The following PSMC2 variants were observed in gnomAD, a reference collection of about 807,000 sequenced individuals.
The protein encoded by PSMC2 is proteasome 26S subunit, ATPase 2, also known as 26S proteasome regulatory subunit 7.
In PSMC2, 7 loss-of-function variants were observed where a neutral mutation model predicts 53.3. That is an observed-to-expected ratio of 0.13 (90% CI 0.07 to 0.25). PSMC2 has a LOEUF of 0.25. Ranked by LOEUF, PSMC2 falls within the 10% of genes least tolerant of loss-of-function variation. The pLI is 1.00. For missense variants in PSMC2, 241 were observed against 544.0 expected, an observed-to-expected ratio of 0.44 and a Z score of 5.54; for synonymous variants, 169 against 183.9, an observed-to-expected ratio of 0.92 and a Z score of 0.66.
intron 4 of PSMC2, among the ~76,000 whole-genome samples, chr7:103,359,030 C>T (rs912993528): frequency 6.9e-6 from 1 of 145,376 alleles, no homozygotes; most frequent in African/African-American, 2.5e-5. Context: ...GTTACCAAGG[C>T]TGGAGTGCAG....
At chr7:103,348,887 CCAAGTGCA>C (rs1423859979) in intron 1 of PSMC2, 1 of 490,320 alleles carries the variant, frequency 2.0e-6, no homozygotes, top group African/African-American at 2.0e-5. Flanking sequence ...GTAACTTTTA[CCAAGTGCA>C]CAAGTACAAA....
chr7:103,368,155 A>T lies in PSMC2; in HGVS notation c.*101A>T, dbSNP rs1820817596. On this transcript the variant is annotated 3_prime_UTR_variant, in exon 12 of 12. Coordinates refer to ENST00000292644, the MANE Select transcript of PSMC2 (RefSeq NM_002803.4). ...AACAAATAAATGGCTTCAAAATTGTATGCTTTTTTCCATATCTCTTCTTGT... is the reference window on the plus strand; with the variant it reads ...AACAAATAAATGGCTTCAAAATTGTTTGCTTTTTTCCATATCTCTTCTTGT... 2.8e-6 allele frequency: 3 copies of T among 1,067,494 alleles called. No homozygotes were observed. Among genetic ancestry groups the T allele is most frequent in the East Asian group, 5.1e-5 (2 of 38,838 alleles). The allele number at this position is 1,067,494 out of a possible 1,614,324, so 66.1% of individuals were successfully genotyped here.
At position 103,359,440 on chromosome 7, in the gene PSMC2, G is replaced by A. The variant is rs867028450; in HGVS notation, c.291-2517G>A. On this transcript the variant is annotated intron_variant, in intron 4 of 11. Coordinates refer to ENST00000292644, the MANE Select transcript of PSMC2 (RefSeq NM_002803.4). Reference sequence around the variant, plus strand: ...ATCATCACTATCTAATTCCAGAATAGAATATTTTTGTCACCCCAAAAACAA... The same window carrying A: ...ATCATCACTATCTAATTCCAGAATAAAATATTTTTGTCACCCCAAAAACAA... Among the ~76,000 whole-genome samples, 13 of 152,104 alleles carry A rather than the reference G, an allele frequency of 8.5e-5. No homozygotes were observed. The South Asian group carries it at 1.5e-3, about 17-fold the overall frequency.
chr7:103,347,600 G>T, upstream of PSMC2: 1 of 1,249,664 alleles, frequency 8.0e-7, no homozygotes, highest in Non-Finnish European at 1.2e-6. Flanking sequence ...GCATAAAGGG[G>T]TCTGTCTGAG....
At chr7:103,362,629 A>C in intron 5 of PSMC2, 57 bp from the exon 6 acceptor site, 1 of 1,519,058 alleles carries the variant, frequency 6.6e-7, no homozygotes, top group Non-Finnish European at 9.1e-7. Flanking sequence ...GACTAAACAT[A>C]AAAGCACTTT....
In PSMC2 at chr7:103,368,226, G is replaced by T. The variant is rs186871457; in HGVS notation, c.*172G>T. ...CTAATGTTATTAGGCAGAAAAGCTT[G>T]TTAGAATATATTTTGACTATTTTTT... On this transcript the variant is annotated 3_prime_UTR_variant, in exon 12 of 12. Coordinates refer to ENST00000292644, the MANE Select transcript of PSMC2 (RefSeq NM_002803.4). The T allele has an allele frequency of 6.8e-5, 44 of 648,130 alleles. No individual in the cohort carries two copies. In the Admixed American group the frequency reaches 1.5e-3, roughly 22 times the overall value. The allele number at this position is 648,130 out of a possible 1,614,324, so 40.1% of individuals were successfully genotyped here.
At chr7:103,357,775 T>TC (rs1820121882) in intron 4 of PSMC2, among the ~76,000 whole-genome samples, 1 of 152,224 alleles carries the variant, frequency 6.6e-6, no homozygotes. Flanking sequence ...TCTTGTTTTT[T>TC]CATTTGCCTG....
At chr7:103,353,668 T>G (rs62482407) in intron 1 of PSMC2, among the ~76,000 whole-genome samples, 2,824 of 152,350 alleles carry the variant, frequency 0.019, 57 homozygotes, top group Non-Finnish European at 0.029. Flanking sequence ...TGGATGTGTT[T>G]TATGTATGTA....
At position 103,355,773 on chromosome 7, in the gene PSMC2, A is replaced by G. The variant is rs74998067; in HGVS notation, c.270A>G (p.Glu90=). The change falls in exon 4 of 12, where the codon GAA becomes GAG. Residue 90 remains glutamate (E), a synonymous_variant. Coordinates refer to ENST00000292644, the MANE Select transcript of PSMC2 (RefSeq NM_002803.4). ...LAADKQTLQS[E]QPLQVARCTK... ...CAGATAAGCAGACACTCCAGAGTGA[A>G]CAGCCTTTACAGGTTGCCAGGTATG... The G allele has an allele frequency of 6.2e-7, 1 of 1,613,594 alleles. No individual in the cohort carries two copies. Among genetic ancestry groups the G allele is most frequent in the Non-Finnish European group, 8.5e-7 (1 of 1,179,766 alleles).
chr7:103,365,256 G>A (rs923016889), intron 8 of PSMC2, among the ~76,000 whole-genome samples: 36 of 152,182 alleles, frequency 2.4e-4, no homozygotes, highest in African/African-American at 8.4e-4. Flanking sequence ...AATAGATACA[G>A]AATCATGAAA....
In PSMC2 at chr7:103,365,300, T is replaced by A. The variant is rs192866698; in HGVS notation, c.757-776T>A. On this transcript the variant is annotated intron_variant, in intron 8 of 11. Transcript: ENST00000292644. ...ATATTTTAAGGCTGGCAAGATTAAT[T>A]TGGTGGACTGGGGAGCAAACTTCAG... is the stretch of plus-strand genomic sequence containing the variant. 1.8e-4 allele frequency among the ~76,000 whole-genome samples: 27 copies of A among 152,212 alleles called. No individual in the cohort carries two copies. In the East Asian group the frequency reaches 4.8e-3, roughly 27 times the overall value.
At position 103,361,193 on chromosome 7, in the gene PSMC2, G is replaced by A. The variant is rs561068295; in HGVS notation, c.291-764G>A. On this transcript the variant is annotated intron_variant, in intron 4 of 11. Coordinates refer to ENST00000292644, the MANE Select transcript of PSMC2 (RefSeq NM_002803.4). ...AAAAAGTAGCAAAAACAATAAAAATGGATTTAAAGTCCGGGTGTGGTGGCT... is the reference window on the plus strand; with the variant it reads ...AAAAAGTAGCAAAAACAATAAAAATAGATTTAAAGTCCGGGTGTGGTGGCT... Among the ~76,000 whole-genome samples the A allele has an allele frequency of 2.0e-5, 3 of 151,664 alleles. No individual in the cohort carries two copies. In the East Asian group the frequency reaches 5.8e-4, roughly 29 times the overall value.
chr7:103,364,613 G>C (rs1820594012), intron 8 of PSMC2, among the ~76,000 whole-genome samples: 1 of 152,012 alleles, frequency 6.6e-6, no homozygotes, highest in Non-Finnish European at 1.5e-5. Context: ...TTTACCATGT[G>C]GCCCAGCTGG....
At position 103,367,687 on chromosome 7, in the gene PSMC2, A is replaced by G; in HGVS notation, c.1048-26A>G. 6.2e-7 allele frequency: 1 copy of G among 1,608,588 alleles called. No individual in the cohort carries two copies. Among genetic ancestry groups the G allele is most frequent in the Non-Finnish European group, 8.5e-7 (1 of 1,177,896 alleles). On this transcript the variant is annotated intron_variant, in intron 10 of 11. Coordinates refer to ENST00000292644, the MANE Select transcript of PSMC2 (RefSeq NM_002803.4). The surrounding 1 kb of genome is among the most constrained non-coding windows in gnomAD (Gnocchi z 6.1). ...CTTCCTGTGATTTTTTTCCATTTTA[A>G]TATTTGTCAATTTTCTCATTTTTAG...
At chr7:103,362,791 TGTC>T in intron 6 of PSMC2, 33 bp downstream of exon 6, 3 of 1,400,218 alleles carry the variant, frequency 2.1e-6, no homozygotes, top group South Asian at 1.2e-5. Context: ...AGGAAGGCTA[TGTC>T]TTTTTTTTTT....
chr7:103,353,770 T>G, intron 1 of PSMC2, 151 bp from the exon 2 acceptor site: 1 of 684,550 alleles, frequency 1.5e-6, no homozygotes, highest in South Asian at 1.8e-5. Context: ...CAGGAACTAT[T>G]TGATTGAATA....
chr7:103,353,211 C>A (rs1819825764), intron 1 of PSMC2, among the ~76,000 whole-genome samples: 1 of 151,898 alleles, frequency 6.6e-6, no homozygotes, highest in Non-Finnish European at 1.5e-5. Context: ...ACATTATATC[C>A]TTTTTTTTAA....
rs17136763 is a variant in PSMC2 at position 103,350,315 on chromosome 7, A to G, written c.70+2534A>G. ...GAATCTTGGCTTTGAGTTTTGTCTA[A>G]TAAATTCTGTGAAACTGTTTTTCCT... On this transcript the variant is annotated intron_variant, in intron 1 of 11. Transcript: ENST00000292644. 6.8e-3 allele frequency among the ~76,000 whole-genome samples: 1,031 copies of G among 152,302 alleles called. 75 individuals carry two copies. The East Asian group carries it at 0.15, about 22-fold the overall frequency.
At chr7:103,361,068 C>T (rs578187866) in intron 4 of PSMC2, among the ~76,000 whole-genome samples, 39 of 151,218 alleles carry the variant, frequency 2.6e-4, no homozygotes, top group African/African-American at 8.5e-4. Flanking sequence ...GAGCCGAGAT[C>T]GCACCACTGC....
Sources: allele counts gnomAD v4.1 joint callset (sites outside exome capture counted in the v4.1 genomes callset), GRCh38; gene constraint gnomAD v4.1.1; non-coding constraint Gnocchi (gnomAD v3.1); transcripts MANE v1.5; gene names NCBI Gene and HGNC (gene_info 2026-07-23, HGNC 2026-07-21).